IL1RAPL1: variants seen among roughly 807,000 people sequenced by gnomAD.
IL1RAPL1 encodes interleukin 1 receptor accessory protein like 1, also known as interleukin-1 receptor accessory protein-like 1.
In IL1RAPL1, 3 loss-of-function variants were observed where a neutral mutation model predicts 48.4. The observed-to-expected ratio is 0.06, with a 90% CI of 0.03 to 0.16. IL1RAPL1 has a LOEUF of 0.16. IL1RAPL1 is among the 10% of genes least tolerant of loss of function. The probability of loss-of-function intolerance (pLI) is 1.00; values close to 1 mark genes in which losing one functional copy is unlikely to be tolerated. For synonymous variants in IL1RAPL1, 185 were observed against 187.7 expected (o/e 0.99, Z 0.12); for missense variants, 349 against 530.6 (o/e 0.66, Z 3.36).
intron 3 of IL1RAPL1, among the ~76,000 whole-genome samples, chrX:29,388,276 T>G (rs1933809493): frequency 9.0e-6 from 1 of 110,670 alleles, no homozygotes; most frequent in Admixed American, 9.7e-5. Flanking sequence ...AGGTCATCAG[T>G]GAACAAATTC....
intron 2 of IL1RAPL1, among the ~76,000 whole-genome samples, chrX:29,086,151 A>C (rs773105198): frequency 8.9e-6 from 1 of 112,371 alleles, no homozygotes; most frequent in East Asian, 2.8e-4. Context: ...TATTCATTTG[A>C]AGAATAAACA....
chrX:29,198,123 T>C (rs144888159), intron 2 of IL1RAPL1, among the ~76,000 whole-genome samples: 2,771 of 111,139 alleles, frequency 0.025, 78 homozygotes, highest in African/African-American at 0.086. Context: ...AGTAACAGAA[T>C]AGAGATTTAT....
chrX:28,641,385 G>C (rs1052118666), intron 1 of IL1RAPL1, among the ~76,000 whole-genome samples: 3 of 111,156 alleles, frequency 2.7e-5, no homozygotes, highest in African/African-American at 9.8e-5. Context: ...CCCTGCAAAG[G>C]ACATGACCTC....
At chrX:29,725,526 G>A (rs1443937132) in intron 6 of IL1RAPL1, among the ~76,000 whole-genome samples, 1 of 111,104 alleles carries the variant, frequency 9.0e-6, no homozygotes, top group Admixed American at 9.6e-5. Context: ...TCATTCTCTG[G>A]TTCAGTTAGA....
At chrX:28,671,361 G>A (rs1601854243) in intron 1 of IL1RAPL1, among the ~76,000 whole-genome samples, 1 of 111,223 alleles carries the variant, frequency 9.0e-6, no homozygotes, top group African/African-American at 3.3e-5. Flanking sequence ...TTTCTATTCC[G>A]AAGATTGACT....
chrX:29,629,892 C>A, intron 5 of IL1RAPL1, among the ~76,000 whole-genome samples: 1 of 111,826 alleles, frequency 8.9e-6, no homozygotes, highest in Non-Finnish European at 1.9e-5. Context: ...CTGAAAGAGT[C>A]AACTGGAACC....
intron 2 of IL1RAPL1, among the ~76,000 whole-genome samples, chrX:28,901,221 A>G (rs766508536): frequency 8.9e-6 from 1 of 111,941 alleles, no homozygotes; most frequent in East Asian, 2.8e-4. Context: ...GCACACATCA[A>G]CTAATTTTAT....
chrX:29,871,804 A>G (rs914485533), intron 6 of IL1RAPL1, among the ~76,000 whole-genome samples: 2 of 110,436 alleles, frequency 1.8e-5, no homozygotes, highest in African/African-American at 6.6e-5. Flanking sequence ...GCTCACTGCA[A>G]CCTCCGCCTC....
chrX:28,795,204 G>A (rs1178373508), intron 2 of IL1RAPL1, among the ~76,000 whole-genome samples: 2 of 110,722 alleles, frequency 1.8e-5, no homozygotes, highest in African/African-American at 3.3e-5. Flanking sequence ...CCTATTTATT[G>A]TAATTTTTAC....
At chrX:28,795,922 T>C (rs1250066192) in intron 2 of IL1RAPL1, among the ~76,000 whole-genome samples, 3 of 111,311 alleles carry the variant, frequency 2.7e-5, no homozygotes, top group Non-Finnish European at 5.6e-5. Flanking sequence ...AAGACATACC[T>C]GAGACTGGGC....
chrX:29,451,383 C>T (rs927125659), intron 5 of IL1RAPL1, among the ~76,000 whole-genome samples: 4 of 109,283 alleles, frequency 3.7e-5, no homozygotes, highest in Middle Eastern at 4.7e-3. Flanking sequence ...TTAATAGAGA[C>T]GGGGTTTCGC....
At chrX:29,103,142 C>T (rs1928378685) in intron 2 of IL1RAPL1, among the ~76,000 whole-genome samples, 2 of 111,633 alleles carry the variant, frequency 1.8e-5, no homozygotes, top group Admixed American at 9.5e-5. Flanking sequence ...TTATATGGAA[C>T]CAAAAAATAC....
At chrX:29,772,390 G>A (rs1013304282) in intron 6 of IL1RAPL1, among the ~76,000 whole-genome samples, 5 of 110,861 alleles carry the variant, frequency 4.5e-5, no homozygotes, top group Non-Finnish European at 7.5e-5. Flanking sequence ...AATATTGTAC[G>A]TTAGTGATAA....
intron 2 of IL1RAPL1, among the ~76,000 whole-genome samples, chrX:29,131,345 C>T (rs1041168304): frequency 9.1e-6 from 1 of 109,758 alleles, no homozygotes. Context: ...AAGATCTTGT[C>T]TAATATTTTG....
chrX:29,640,784 C>T (rs1925141492), intron 5 of IL1RAPL1, among the ~76,000 whole-genome samples: 1 of 112,417 alleles, frequency 8.9e-6, no homozygotes, highest in Admixed American at 9.4e-5. Context: ...AACATGTCAA[C>T]CTGCTTCCTT....
intron 1 of IL1RAPL1, among the ~76,000 whole-genome samples, chrX:28,744,662 TATG>T (rs773703911): frequency 1.2e-4 from 13 of 111,861 alleles, no homozygotes; most frequent in Admixed American, 3.8e-4. Context: ...CTGGGAATGA[TATG>T]ATAAACGCAG....
intron 6 of IL1RAPL1, among the ~76,000 whole-genome samples, chrX:29,760,304 A>G (rs1012232975): frequency 9.0e-6 from 1 of 111,347 alleles, no homozygotes; most frequent in African/African-American, 3.3e-5. Flanking sequence ...AATACAGCCT[A>G]ACATTGATGG....
intron 6 of IL1RAPL1, among the ~76,000 whole-genome samples, chrX:29,896,766 G>C (rs765060680): frequency 8.9e-6 from 1 of 112,155 alleles, no homozygotes; most frequent in African/African-American, 3.3e-5. Flanking sequence ...GAAGATCCAG[G>C]GGGGAAGAGA....
intron 2 of IL1RAPL1, among the ~76,000 whole-genome samples, chrX:28,922,863 A>C (rs945601794): frequency 3.6e-5 from 4 of 112,162 alleles, no homozygotes; most frequent in African/African-American, 1.3e-4. Context: ...TAAATTCATG[A>C]CATTTGAAAA....
Sources: allele counts gnomAD v4.1 joint callset (sites outside exome capture counted in the v4.1 genomes callset), GRCh38; gene constraint gnomAD v4.1.1; transcripts MANE v1.5; gene names NCBI Gene and HGNC (gene_info 2026-07-23, HGNC 2026-07-21).